Variants in PAK3 observed in about 807,000 individuals in gnomAD.
The protein encoded by PAK3 is p21 (RAC1) activated kinase 3.
PAK3 carries 4 observed loss-of-function variants against 41.0 expected under a neutral mutation model. That is an observed-to-expected ratio of 0.10 (90% CI 0.05 to 0.22). PAK3 has a LOEUF of 0.22. Among genes scored for constraint, PAK3 ranks in the 10% least tolerant of loss-of-function variants. The pLI is 1.00. For missense variants in PAK3, 205 were observed against 409.9 expected (o/e 0.50, Z 4.32); for synonymous variants, 146 against 139.6 (o/e 1.05, Z -0.32).
intron 1 of PAK3, among the ~76,000 whole-genome samples, chrX:111,025,437 A>C (rs2092255732): frequency 1.8e-5 from 2 of 112,004 alleles, no homozygotes; most frequent in Non-Finnish European, 3.8e-5. Context: ...AAATAAACAC[A>C]ATTAGAAACA....
chrX:111,111,774 T>C (rs2093375800), intron 4 of PAK3, among the ~76,000 whole-genome samples: 1 of 111,983 alleles, frequency 8.9e-6, no homozygotes, highest in South Asian at 3.8e-4. Flanking sequence ...CATTAGGCCA[T>C]TAGGCCTCCC....
At chrX:111,188,406 C>T (rs901541994) in intron 11 of PAK3, among the ~76,000 whole-genome samples, 2 of 110,472 alleles carry the variant, frequency 1.8e-5, no homozygotes, top group Non-Finnish European at 3.8e-5. Context: ...TTAACTGGGG[C>T]AACTCCCAAT....
intron 16 of PAK3, among the ~76,000 whole-genome samples, chrX:111,215,656 C>T (rs1297305954): frequency 8.9e-6 from 1 of 112,378 alleles, no homozygotes; most frequent in Middle Eastern, 4.2e-3. Context: ...CTTGATATCT[C>T]TTAGTGGTGG....
At chrX:111,005,442 G>A (rs189085704) in intron 1 of PAK3, among the ~76,000 whole-genome samples, 1 of 111,782 alleles carries the variant, frequency 8.9e-6, no homozygotes, top group Admixed American at 9.5e-5. Context: ...TTCAGGAAAT[G>A]CAAAAGCCTG....
intron 1 of PAK3, among the ~76,000 whole-genome samples, chrX:111,060,407 G>C (rs888778275): frequency 9.0e-6 from 1 of 111,205 alleles, no homozygotes; most frequent in South Asian, 3.8e-4. Context: ...TGTGATGTCT[G>C]TCTGGTTTTG....
At chrX:111,017,825 A>G (rs2092114108) in intron 1 of PAK3, among the ~76,000 whole-genome samples, 1 of 111,817 alleles carries the variant, frequency 8.9e-6, no homozygotes, top group Admixed American at 9.5e-5. Context: ...ATTGATGCAA[A>G]TATCCTCAGC....
intron 1 of PAK3, among the ~76,000 whole-genome samples, chrX:111,024,676 A>G (rs1486244857): frequency 9.0e-6 from 1 of 111,357 alleles, no homozygotes; most frequent in Non-Finnish European, 1.9e-5. Context: ...TAAAAATTAG[A>G]TAGACAGCAA....
intron 5 of PAK3, among the ~76,000 whole-genome samples, chrX:111,136,560 A>G (rs192865474): frequency 1.3e-4 from 14 of 111,862 alleles, no homozygotes; most frequent in African/African-American, 4.6e-4. Flanking sequence ...TGAAACTCAA[A>G]TCTGCTATTA....
intron 10 of PAK3, among the ~76,000 whole-genome samples, chrX:111,172,590 A>T (rs2094357169): frequency 9.0e-6 from 1 of 111,226 alleles, no homozygotes; most frequent in African/African-American, 3.3e-5. Flanking sequence ...ATAAGCGACA[A>T]CATGCAGTAT....
At chrX:110,967,630 CTT>C (rs1223598111) in intron 1 of PAK3, among the ~76,000 whole-genome samples, 1 of 111,463 alleles carries the variant, frequency 9.0e-6, no homozygotes, top group African/African-American at 3.3e-5. Context: ...TGTAAAATCT[CTT>C]AACAATTAAT....
intron 5 of PAK3, among the ~76,000 whole-genome samples, chrX:111,136,604 G>C (rs2093793189): frequency 8.9e-6 from 1 of 111,878 alleles, no homozygotes; most frequent in South Asian, 3.8e-4. Context: ...TTACCTTCTA[G>C]AAATGGAGGT....
At chrX:110,961,380 C>T (rs1189882087) in intron 1 of PAK3, among the ~76,000 whole-genome samples, 3 of 111,695 alleles carry the variant, frequency 2.7e-5, no homozygotes, top group Non-Finnish European at 5.6e-5. Context: ...CACCACCCTC[C>T]TCTAGGCTTC....
At chrX:110,956,427 C>T (rs984676040) in intron 1 of PAK3, among the ~76,000 whole-genome samples, 9 of 111,247 alleles carry the variant, frequency 8.1e-5, no homozygotes, top group African/African-American at 2.9e-4. Context: ...CACCTATGGG[C>T]CTGGCTCCCA....
intron 11 of PAK3, among the ~76,000 whole-genome samples, chrX:111,185,559 G>T (rs1313646273): frequency 3.6e-5 from 4 of 111,272 alleles, no homozygotes; most frequent in African/African-American, 1.3e-4. Flanking sequence ...AATCCATCTT[G>T]AGTTAATTTT....
intron 3 of PAK3, among the ~76,000 whole-genome samples, chrX:111,101,980 G>A (rs1227242592): frequency 1.8e-5 from 2 of 112,037 alleles, no homozygotes; most frequent in Non-Finnish European, 3.8e-5. Flanking sequence ...TGCAATCTCC[G>A]TGTTTAGATA....
At chrX:111,134,955 G>T (rs1300626781) in intron 5 of PAK3, among the ~76,000 whole-genome samples, 2 of 111,572 alleles carry the variant, frequency 1.8e-5, no homozygotes, top group Non-Finnish European at 3.8e-5. Context: ...ATCCTGGAGG[G>T]CTTATCTATG....
At chrX:111,142,415 T>C (rs1170186370) in intron 6 of PAK3, among the ~76,000 whole-genome samples, 2 of 112,619 alleles carry the variant, frequency 1.8e-5, no homozygotes, top group East Asian at 5.6e-4. Context: ...TTGATCACTG[T>C]ATAGTCTCAA....
chrX:111,016,584 CTGTT>C (rs2092093202), intron 1 of PAK3, among the ~76,000 whole-genome samples: 1 of 111,306 alleles, frequency 9.0e-6, no homozygotes, highest in Non-Finnish European at 1.9e-5. Context: ...AGATAATTCA[CTGTT>C]TGCGTTATTT....
At chrX:111,093,750 A>G (rs1488963018), upstream of PAK3, among the ~76,000 whole-genome samples, 3 of 111,840 alleles carry the variant, frequency 2.7e-5, no homozygotes, top group African/African-American at 9.8e-5. Context: ...GGGAGAAAGG[A>G]AATACACCCA....
Sources: gnomAD v4.1 joint callset for allele counts (sites outside exome capture counted in the v4.1 genomes callset) on GRCh38, gnomAD v4.1.1 for gene constraint, MANE v1.5 for transcripts, NCBI Gene and HGNC (gene_info 2026-07-23, HGNC 2026-07-21) for gene names.